IPP: variants seen among roughly 807,000 people sequenced by gnomAD.
IPP encodes the protein intracisternal A particle-promoted polypeptide.
In IPP, 41 loss-of-function variants were observed where a neutral mutation model predicts 64.1. That is an observed-to-expected ratio of 0.64 (90% confidence interval 0.50 to 0.83). The LOEUF (loss-of-function observed/expected upper bound fraction) is 0.83. Among genes scored for constraint, IPP ranks in the 40% least tolerant of loss-of-function variants. The pLI is 0.00. For synonymous variants in IPP, 214 were observed against 235.2 expected, an observed-to-expected ratio of 0.91 and a Z score of 0.83; for missense variants, 649 against 703.0, an observed-to-expected ratio of 0.92 and a Z score of 0.87.
At position 45,746,445 on chromosome 1, in the gene IPP, C is replaced by T; in HGVS notation, c.-34G>A. On this transcript the variant is annotated 5_prime_UTR_variant, in exon 2 of 9. The change abolishes an upstream ATG in the 5' untranslated region. Transcript: ENST00000396478. ...TAGATTAATTAAAAGGACTGTTGCC[C>T]ATAATCTGTTACTACCCTGAAAAAC... The T allele has an allele frequency of 7.1e-6, 11 of 1,553,284 alleles. No homozygotes were observed. The highest frequency in any genetic ancestry group is 9.7e-6 in the Non-Finnish European group (11 of 1,136,550).
chr1:45,694,762 A>G (rs1022430191), downstream of IPP: 4 of 357,758 alleles, frequency 1.1e-5, no homozygotes. Flanking sequence ...CAAACACATA[A>G]TAGCTGGTCA....
chr1:45,738,723 C>T (rs1646012841), intron 3 of IPP, among the ~76,000 whole-genome samples: 1 of 151,238 alleles, frequency 6.6e-6, no homozygotes, highest in African/African-American at 2.4e-5. Flanking sequence ...GCCTGTAGTC[C>T]CAGCTACTTG....
In IPP at chr1:45,725,148, G is replaced by A. The variant is rs1368228504; in HGVS notation, c.1048+2483C>T. ...AGCCCCCCGCCCGGCCAGCCGCCCC[G>A]TCCGGGAGTGGGGTGGGGGGTCAGC... On this transcript the variant is annotated intron_variant, in intron 5 of 8. Coordinates refer to ENST00000396478, the MANE Select transcript of IPP (RefSeq NM_005897.3). Among the ~76,000 whole-genome samples the A allele has an allele frequency of 2.7e-5, 3 of 109,580 alleles. 1 individual carries two copies. Among genetic ancestry groups the A allele is most frequent in the Non-Finnish European group, 3.7e-5 (2 of 53,542 alleles). The allele number at this position is 109,580 out of a possible 152,430, so 71.9% of individuals were successfully genotyped here. A position where few individuals can be genotyped will look rare whatever the true frequency, so the allele number is the denominator to read the frequency against.
At chr1:45,747,971 T>C (rs940104670) in intron 1 of IPP, among the ~76,000 whole-genome samples, 1 of 150,968 alleles carries the variant, frequency 6.6e-6, no homozygotes, top group African/African-American at 2.4e-5. Context: ...ATAAGACTTA[T>C]AGTGTGGGCT....
In IPP at chr1:45,698,893, A is replaced by G. The variant is rs1645413193; in HGVS notation, c.*1073T>C. The G allele has an allele frequency of 1.2e-5, 4 of 332,546 alleles. No individual in the cohort carries two copies. In the South Asian group the frequency reaches 4.8e-4, roughly 40 times the overall value. The allele number at this position is 332,546 out of a possible 1,614,324, so 20.6% of individuals were successfully genotyped here. The stretch of plus-strand genomic sequence containing the variant: ...GCCACAACGCCCGGCTAATTTTTAT[A>G]TATTTTTTGGTAGAGACGGAGTCTC... On this transcript the variant is annotated 3_prime_UTR_variant, in exon 9 of 9. Coordinates refer to ENST00000396478, the MANE Select transcript of IPP (RefSeq NM_005897.3).
At chr1:45,724,860 C>T (rs1381538117) in intron 5 of IPP, among the ~76,000 whole-genome samples, 2 of 150,870 alleles carry the variant, frequency 1.3e-5, no homozygotes, top group African/African-American at 4.9e-5. Context: ...CGTCTCCGCC[C>T]GGCAGCCACC....
At chr1:45,743,935 T>G (rs1364791468) in intron 2 of IPP, among the ~76,000 whole-genome samples, 4 of 151,232 alleles carry the variant, frequency 2.6e-5, no homozygotes, top group Admixed American at 6.6e-5. Context: ...GAGAATCGCT[T>G]GAAACTGGGA....
At chr1:45,747,093 TTAGTGCGCGCATGCGCGCGCACAC>T (rs1391100269) in intron 1 of IPP, among the ~76,000 whole-genome samples, 19 of 151,982 alleles carry the variant, frequency 1.3e-4, no homozygotes, top group Non-Finnish European at 2.1e-4. Flanking sequence ...CACCCTACTC[TTAGTGCGCGCATGCGCGCGCACAC>T]GAGCGCGCGC....
chr1:45,719,057 C>T, intron 6 of IPP, 146 bp downstream of exon 6: 1 of 679,320 alleles, frequency 1.5e-6, no homozygotes, highest in Non-Finnish European at 2.5e-6. Context: ...GATGGATATC[C>T]CATTTTACAA....
chr1:45,698,536 A>C (rs1645407587), downstream of IPP, among the ~76,000 whole-genome samples: 1 of 152,038 alleles, frequency 6.6e-6, no homozygotes. Flanking sequence ...AAAGTTTCAG[A>C]AGTACCTACA....
intron 8 of IPP, among the ~76,000 whole-genome samples, chr1:45,701,166 G>A (rs1234616415): frequency 6.6e-6 from 1 of 152,220 alleles, no homozygotes; most frequent in Non-Finnish European, 1.5e-5. Context: ...ATGGCCCACA[G>A]GCCAAAAATA....
chr1:45,701,309 C>T (rs756575670), intron 8 of IPP, among the ~76,000 whole-genome samples: 5 of 150,528 alleles, frequency 3.3e-5, no homozygotes, highest in South Asian at 2.1e-4. Context: ...TTTTTTGAGA[C>T]GGAGTCTCGC....
chr1:45,742,101 G>A (rs1438819152), intron 2 of IPP, among the ~76,000 whole-genome samples: 1 of 152,140 alleles, frequency 6.6e-6, no homozygotes, highest in Non-Finnish European at 1.5e-5. Flanking sequence ...ATGATTCTAA[G>A]CAAATTAACA....
At chr1:45,701,848 G>C (rs2148546173) in intron 8 of IPP, among the ~76,000 whole-genome samples, 1 of 152,252 alleles carries the variant, frequency 6.6e-6, no homozygotes, top group East Asian at 1.9e-4. Flanking sequence ...TAGGTACTAG[G>C]ATAGTGCCAT....
In IPP at chr1:45,699,888, C is replaced by G; in HGVS notation, c.*78G>C. The G allele has an allele frequency of 6.4e-7, 1 of 1,563,212 alleles. No homozygotes were observed. On this transcript the variant is annotated 3_prime_UTR_variant, in exon 9 of 9. Transcript: ENST00000396478. ...CTCACAGAATCAGAGGGTCTTATCA[C>G]CAAATCTATGTTTGCTTTGCAAAAG...
rs370605324 is a variant in IPP at position 45,701,510 on chromosome 1, C to T, written c.1531-1320G>A. ...CCGTGTTGGCCAGGCTGGTCTCAAACTCCTGACCTCAAGTGATCCACCCGC... is the reference window on the plus strand; with the variant it reads ...CCGTGTTGGCCAGGCTGGTCTCAAATTCCTGACCTCAAGTGATCCACCCGC... On this transcript the variant is annotated intron_variant, in intron 8 of 8. Transcript: ENST00000396478. Among the ~76,000 whole-genome samples, 48 of 152,262 alleles carry T rather than the reference C, an allele frequency of 3.2e-4. No individual in the cohort carries two copies. The East Asian group carries it at 7.5e-3, about 24-fold the overall frequency.
chr1:45,736,157 T>TGG (rs1645978915), intron 3 of IPP, among the ~76,000 whole-genome samples: 1 of 151,716 alleles, frequency 6.6e-6, no homozygotes, highest in Admixed American at 6.6e-5. Context: ...GGTCTCACTA[T>TGG]GTTCAGCCCA....
At chr1:45,724,179 T>C (rs918155419) in intron 5 of IPP, among the ~76,000 whole-genome samples, 3 of 152,100 alleles carry the variant, frequency 2.0e-5, no homozygotes, top group Non-Finnish European at 4.4e-5. Context: ...AGACGGGGTT[T>C]TGCTGTGTTG....
rs1487331859 is a variant in IPP at position 45,710,507 on chromosome 1, G to T, written c.1530+3739C>A. ...ATGGTGGCATGCACCTGTTGTCCCA[G>T]CTACTCAGGAGGCTAAGACAGGAGA... On this transcript the variant is annotated intron_variant, in intron 8 of 8. Transcript: ENST00000396478. Among the ~76,000 whole-genome samples the T allele has an allele frequency of 4.2e-5, 2 of 47,928 alleles. 1 individual carries two copies. Among genetic ancestry groups the T allele is most frequent in the African/African-American group, 2.0e-4 (2 of 9,784 alleles). The allele number at this position is 47,928 out of a possible 152,430, so 31.4% of individuals were successfully genotyped here.
Sources: gnomAD v4.1 joint callset for allele counts (sites outside exome capture counted in the v4.1 genomes callset) on GRCh38, gnomAD v4.1.1 for gene constraint, MANE v1.5 for transcripts, NCBI Gene and HGNC (gene_info 2026-07-23, HGNC 2026-07-21) for gene names.